Variants in SEMA4D observed in about 807,000 individuals in gnomAD.
The protein encoded by SEMA4D is semaphorin 4D.
Under a neutral mutation model 74.8 loss-of-function variants are expected in SEMA4D, and 22 were observed. The observed-to-expected ratio is 0.29, with a 90% CI of 0.21 to 0.42. SEMA4D has a LOEUF of 0.42. Among genes scored for constraint, SEMA4D ranks in the 10% least tolerant of loss-of-function variants. The pLI is 1.00. For missense variants in SEMA4D, 937 were observed against 1,118.4 expected (o/e 0.84, Z 2.31); for synonymous variants, 445 against 463.7 (o/e 0.96, Z 0.52).
At chr9:89,458,684 C>CACAT (rs977042385) in intron 1 of SEMA4D, among the ~76,000 whole-genome samples, 34 of 152,252 alleles carry the variant, frequency 2.2e-4, no homozygotes, top group African/African-American at 8.2e-4. Flanking sequence ...TACAGAGACA[C>CACAT]ACATACATAC....
chr9:89,480,490 C>T (rs1361435281), intron 1 of SEMA4D, among the ~76,000 whole-genome samples: 4 of 152,208 alleles, frequency 2.6e-5, no homozygotes, highest in African/African-American at 2.4e-5. Flanking sequence ...CGGGGAGGCT[C>T]GGGCCGCACA....
chr9:89,442,167 CAG>C (rs1314603757), intron 2 of SEMA4D, among the ~76,000 whole-genome samples: 4 of 131,614 alleles, frequency 3.0e-5, no homozygotes, highest in Non-Finnish European at 1.6e-5. Context: ...ATCTTCAGGC[CAG>C]AGACATGGTT....
rs550657308 is a variant in SEMA4D, at chr9:89,393,521, T to C, written c.508+41A>G. 4.4e-4 allele frequency: 653 copies of C among 1,486,382 alleles called. 7 individuals are homozygous for C. The South Asian group carries it at 7.0e-3, about 16-fold the overall frequency. The allele number at this position is 1,486,382 out of a possible 1,614,324, so 92.1% of individuals were successfully genotyped here. ...TCCTGTTTGGTAATTAACATGCCAC[T>C]GTAATCTTCACGGTGAAGGAACTGG... On this transcript the variant is annotated intron_variant, in intron 7 of 15. Coordinates refer to ENST00000422704, the MANE Select transcript of SEMA4D (RefSeq NM_001371194.2).
At chr9:89,361,467 A>G (rs776512207) in exon 19 of SEMA4D, 17 of 152,232 alleles carry the variant, frequency 1.1e-4, no homozygotes, top group Non-Finnish European at 2.9e-5. Context: ...AGACAAGAAG[A>G]GACGTGTGTG....
At chr9:89,485,634 C>T (rs1588189853) in intron 1 of SEMA4D, among the ~76,000 whole-genome samples, 1 of 151,704 alleles carries the variant, frequency 6.6e-6, no homozygotes, top group Non-Finnish European at 1.5e-5. Flanking sequence ...ACTAAAAATA[C>T]AAAATTAGCC....
rs759033989 is a variant in SEMA4D, at chr9:89,381,114, C to T, written c.1620-16G>A. On this transcript the variant is annotated splice_polypyrimidine_tract_variant and intron_variant, in intron 14 of 15. Coordinates refer to ENST00000422704, the MANE Select transcript of SEMA4D (RefSeq NM_001371194.2). The surrounding 1 kb of genome is among the most constrained non-coding windows in gnomAD (Gnocchi z 4.6). The stretch of plus-strand genomic sequence containing the variant: ...AATCAAACCCCTGCAAAACAACCGG[C>T]ACGTGTTATTCACCCACACACATGG... The T allele has an allele frequency of 8.7e-6, 14 of 1,614,040 alleles. No individual in the cohort carries two copies. Among genetic ancestry groups the T allele is most frequent in the Non-Finnish European group, 1.2e-5 (14 of 1,180,046 alleles).
chr9:89,458,924 C>T (rs1328314274), intron 1 of SEMA4D, among the ~76,000 whole-genome samples: 1 of 117,218 alleles, frequency 8.5e-6, no homozygotes, highest in Non-Finnish European at 2.1e-5. Context: ...ATATACTGCA[C>T]ACACCCACAT....
chr9:89,472,875 C>T (rs1860747267), intron 1 of SEMA4D, among the ~76,000 whole-genome samples: 1 of 152,058 alleles, frequency 6.6e-6, no homozygotes, highest in Admixed American at 6.5e-5. Flanking sequence ...GAGAGGAGTG[C>T]TTGAGCCCAG....
chr9:89,496,623 G>A (rs957639218), intron 1 of SEMA4D, among the ~76,000 whole-genome samples: 1 of 152,168 alleles, frequency 6.6e-6, no homozygotes, highest in Non-Finnish European at 1.5e-5. Flanking sequence ...TCTGGCTGAC[G>A]ACTACCAAGA....
intron 16 of SEMA4D, among the ~76,000 whole-genome samples, chr9:89,366,906 C>T (rs887930710): frequency 3.3e-5 from 5 of 152,154 alleles, no homozygotes; most frequent in Non-Finnish European, 7.3e-5. Context: ...ATGACCAAGC[C>T]CTTGAGACTA....
intron 15 of SEMA4D, 84 bp from the exon 16 acceptor site, chr9:89,379,713 G>A (rs1836571719): frequency 3.5e-6 from 5 of 1,446,834 alleles, no homozygotes; most frequent in African/African-American, 2.8e-5. Context: ...ACAAGATGAC[G>A]CAAGAGTTTC....
At chr9:89,413,151 GACTTGA>G (rs1844898530) in intron 2 of SEMA4D, among the ~76,000 whole-genome samples, 2 of 152,186 alleles carry the variant, frequency 1.3e-5, no homozygotes. Flanking sequence ...CAGAAAGAAT[GACTTGA>G]CACAGGAGCC....
intron 2 of SEMA4D, among the ~76,000 whole-genome samples, chr9:89,434,174 T>C (rs1478669654): frequency 6.6e-6 from 1 of 152,176 alleles, no homozygotes; most frequent in Admixed American, 6.5e-5. Context: ...CGACAAGGTC[T>C]ACCCAGTCAC....
At chr9:89,491,837 A>G (rs1825652630) in intron 1 of SEMA4D, among the ~76,000 whole-genome samples, 1 of 152,162 alleles carries the variant, frequency 6.6e-6, no homozygotes, top group African/African-American at 2.4e-5. Context: ...ACAGTCCACC[A>G]GCGATGGGAC....
downstream of SEMA4D, chr9:89,376,562 G>A: frequency 2.6e-6 from 1 of 383,988 alleles, no homozygotes; most frequent in Non-Finnish European, 4.7e-6. Context: ...CTGTGACACA[G>A]CCTGCAGCCC....
rs1476548616 is a variant in SEMA4D at position 89,484,070 on chromosome 9, G to A, written c.-310+13849C>T. ...AAGGAAGAGGGCGGGCCCCACTGAG[G>A]CTGCGCACAAGCTGGCAGGCACAGA... is the stretch of plus-strand genomic sequence containing the variant. On this transcript the variant is annotated intron_variant, in intron 1 of 15. Transcript: ENST00000422704. The surrounding 1 kb of genome is among the most constrained non-coding windows in gnomAD (Gnocchi z 4.1). Among the ~76,000 whole-genome samples the A allele has an allele frequency of 2.0e-5, 3 of 152,266 alleles. No individual in the cohort carries two copies. Among genetic ancestry groups the A allele is most frequent in the Non-Finnish European group, 4.4e-5 (3 of 68,048 alleles).
rs535080092 is a variant in SEMA4D at position 89,386,155 on chromosome 9, G to A, written c.1446+212C>T. The A allele has an allele frequency of 3.5e-4, 294 of 833,144 alleles. 4 individuals carry two copies. In the South Asian group the frequency reaches 0.013, roughly 38 times the overall value. The allele number at this position is 833,144 out of a possible 1,614,324, so 51.6% of individuals were successfully genotyped here. A position where few individuals can be genotyped will look rare whatever the true frequency, so the allele number is the denominator to read the frequency against. The stretch of plus-strand genomic sequence containing the variant: ...CCAGCAACTTCGAAGAGAAAGTCCC[G>A]TCTCCCCAGGTCTGCCTTCCTGCCT... On this transcript the variant is annotated intron_variant, in intron 13 of 15. Transcript: ENST00000422704.
chr9:89,494,482 G>A (rs1459598113), intron 1 of SEMA4D, among the ~76,000 whole-genome samples: 1 of 152,194 alleles, frequency 6.6e-6, no homozygotes, highest in Non-Finnish European at 1.5e-5. Flanking sequence ...CTTCCGTGCT[G>A]AGCGCCTGCA....
At position 89,386,764 on chromosome 9, in the gene SEMA4D, T is replaced by C. The variant is rs1024647936; in HGVS notation, c.1331-282A>G. 23 of 330,390 alleles carry C rather than the reference T, an allele frequency of 7.0e-5. No individual in the cohort carries two copies. The Admixed American group carries it at 9.0e-4, about 13-fold the overall frequency. 20.5% of individuals were successfully genotyped at this position (330,390 alleles called of 1,614,324 possible). A position where few individuals can be genotyped will look rare whatever the true frequency, so the allele number is the denominator to read the frequency against. ...TCCTCACCAACAGTCGACATTACAC[T>C]TGAGGCTAAGTGCCACATGAGGGGG... On this transcript the variant is annotated intron_variant, in intron 12 of 15. Transcript: ENST00000422704.
Sources: gnomAD v4.1 joint callset for allele counts (sites outside exome capture counted in the v4.1 genomes callset) on GRCh38, gnomAD v4.1.1 for gene constraint, Gnocchi (gnomAD v3.1) non-coding constraint, MANE v1.5 for transcripts, NCBI Gene and HGNC (gene_info 2026-07-23, HGNC 2026-07-21) for gene names.